The following DAZL variants were observed in gnomAD, a reference collection of about 807,000 sequenced individuals.
The protein encoded by DAZL is deleted in azoospermia like.
A neutral mutation model predicts 45.0 loss-of-function variants in DAZL; 4 were observed. That is an observed-to-expected ratio of 0.09 (90% CI 0.04 to 0.20). The LOEUF (loss-of-function observed/expected upper bound fraction) is 0.20, where lower values mean the gene tolerates loss of function less well. DAZL is among the 10% of genes least tolerant of loss of function. The pLI, the probability that DAZL is intolerant of heterozygous loss-of-function variation, is 1.00. For missense variants in DAZL, 326 were observed against 351.3 expected (o/e 0.93, Z 0.58); for synonymous variants, 122 against 112.4 (o/e 1.09, Z -0.54).
At chr3:16,597,191 T>C (rs926708574) in intron 4 of DAZL, 140 bp from the exon 5 acceptor site, 1 of 1,137,598 alleles carries the variant, frequency 8.8e-7, no homozygotes, top group African/African-American at 1.6e-5. Context: ...AAATTTGTCA[T>C]CATGAAGCTA....
chr3:16,588,935 T>TA (rs1016200173), intron 10 of DAZL, among the ~76,000 whole-genome samples: 6 of 150,966 alleles, frequency 4.0e-5, no homozygotes, highest in East Asian at 1.9e-4. Context: ...AGAAATCAAT[T>TA]AAAAAAAAAG....
At chr3:16,596,640 G>C (rs1163257174) in intron 6 of DAZL, 110 bp downstream of exon 6, 1 of 1,192,502 alleles carries the variant, frequency 8.4e-7, no homozygotes, top group Non-Finnish European at 1.2e-6. Flanking sequence ...ATCACTCAAA[G>C]TATTCAAACA....
intron 1 of DAZL, among the ~76,000 whole-genome samples, chr3:16,600,579 T>C (rs1227515885): frequency 6.6e-6 from 1 of 152,234 alleles, no homozygotes; most frequent in Non-Finnish European, 1.5e-5. Context: ...ATTAGGAACC[T>C]GATTAGATTT....
At chr3:16,601,351 C>T (rs574254951) in intron 1 of DAZL, among the ~76,000 whole-genome samples, 2 of 152,248 alleles carry the variant, frequency 1.3e-5, no homozygotes, top group South Asian at 4.1e-4. Context: ...TAACTGGAAT[C>T]GTAAATATAA....
At position 16,592,147 on chromosome 3, in the gene DAZL, T is replaced by C; in HGVS notation, c.737A>G (p.Lys246Arg). The change falls in exon 10 of 11, where the codon AAA becomes AGA. Residue 246 changes from lysine to arginine, a missense_variant and splice_region_variant. This residue lies in a region of DAZL where 227 missense variants were observed against 216.6 expected (regional missense o/e 1.05). Transcript: ENST00000399444. ...TPPSGNGPQK[K>R]SVDRSIQTVV... ...CGTTTGTATGCTTCGGTCCACAGATTTCTGAAACACAGAAGTTTTCAGTAA... is the reference window on the plus strand; with the variant it reads ...CGTTTGTATGCTTCGGTCCACAGATCTCTGAAACACAGAAGTTTTCAGTAA... 1 of 1,612,908 alleles carries C rather than the reference T, an allele frequency of 6.2e-7. No homozygotes were observed. The highest frequency in any genetic ancestry group is 8.5e-7 in the Non-Finnish European group (1 of 1,179,664).
intron 3 of DAZL, 76 bp from the exon 4 acceptor site, chr3:16,597,617 G>A (rs369171725): frequency 1.3e-5 from 12 of 904,304 alleles, no homozygotes; most frequent in African/African-American, 9.8e-5. Flanking sequence ...ATATACGGAA[G>A]TGATCATGAC....
chr3:16,604,495 G>A, intron 1 of DAZL: 1 of 1,520,004 alleles, frequency 6.6e-7, no homozygotes, highest in Non-Finnish European at 8.8e-7. Flanking sequence ...ACACGAGGGA[G>A]CCGCCATCAG....
intron 10 of DAZL, 44 bp downstream of exon 10, chr3:16,592,006 T>G (rs1003881271): frequency 6.3e-7 from 1 of 1,578,764 alleles, no homozygotes. Flanking sequence ...ACTTTAAAGC[T>G]AACAAGTGTG....
At chr3:16,601,962 T>C (rs967750025) in intron 1 of DAZL, among the ~76,000 whole-genome samples, 8 of 152,192 alleles carry the variant, frequency 5.3e-5, no homozygotes, top group African/African-American at 1.4e-4. Flanking sequence ...CTGAGATTTA[T>C]ATAAACTGAC....
At chr3:16,599,412 T>A (rs1470457744) in intron 1 of DAZL, among the ~76,000 whole-genome samples, 1 of 152,212 alleles carries the variant, frequency 6.6e-6, no homozygotes, top group East Asian at 1.9e-4. Context: ...CATGAATTTT[T>A]ACAATTTTAA....
At chr3:16,595,208 A>AC in intron 7 of DAZL, 106 bp downstream of exon 7, 1 of 623,960 alleles carries the variant, frequency 1.6e-6, no homozygotes, top group Non-Finnish European at 2.7e-6. Flanking sequence ...AATTTTAGGT[A>AC]CATTTCACTA....
chr3:16,604,250 C>T (rs879546452), intron 1 of DAZL, among the ~76,000 whole-genome samples: 5 of 152,110 alleles, frequency 3.3e-5, no homozygotes, highest in Non-Finnish European at 7.3e-5. Flanking sequence ...GGTTGGTCTG[C>T]GTGTTCAGAG....
chr3:16,599,184 TAAAAA>T (rs111790325), intron 1 of DAZL, among the ~76,000 whole-genome samples: 1 of 146,408 alleles, frequency 6.8e-6, no homozygotes, highest in African/African-American at 2.5e-5. Context: ...GTGAATTACT[TAAAAA>T]AAAAACAAAC....
chr3:16,603,405 G>C (rs756739387), intron 1 of DAZL, among the ~76,000 whole-genome samples: 2 of 151,534 alleles, frequency 1.3e-5, no homozygotes, highest in Admixed American at 6.6e-5. Context: ...CTGGAGTGCA[G>C]TGGCATGATC....
chr3:16,593,615 A>C, intron 9 of DAZL, 40 bp downstream of exon 9: 1 of 1,260,830 alleles, frequency 7.9e-7, no homozygotes, highest in Non-Finnish European at 1.1e-6. Flanking sequence ...AACTAGAAAA[A>C]ATAAATATGA....
intron 10 of DAZL, 23 bp downstream of exon 10, chr3:16,592,027 G>C (rs528840693): frequency 6.2e-7 from 1 of 1,603,584 alleles, no homozygotes; most frequent in South Asian, 1.1e-5. Flanking sequence ...CTTTTTAATT[G>C]TGCGTAACTG....
Position 16,605,275 on chromosome 3 carries a change from G to A in DAZL, c.-70C>T, listed in dbSNP as rs1047556582. 1.6e-4 allele frequency: 262 copies of A among 1,601,462 alleles called. No individual in the cohort carries two copies. Among genetic ancestry groups the A allele is most frequent in the Non-Finnish European group, 2.2e-4 (254 of 1,168,628 alleles). ...AGGCTGTGCTTGGCGCACCACTTCT[G>A]GGGCTGCTGTGAGGTCCGCTGGAAC... On this transcript the variant is annotated 5_prime_UTR_variant, in exon 1 of 11. Transcript: ENST00000399444.
intron 9 of DAZL, 57 bp from the exon 10 acceptor site, chr3:16,592,205 A>T (rs1343374356): frequency 6.3e-7 from 1 of 1,595,020 alleles, no homozygotes; most frequent in African/African-American, 1.4e-5. Context: ...ACTCTTAGTA[A>T]GGGTTTTTTT....
intron 8 of DAZL, 79 bp from the exon 9 acceptor site, chr3:16,593,847 G>A: frequency 5.6e-6 from 5 of 890,450 alleles, no homozygotes; most frequent in Non-Finnish European, 8.7e-6. Flanking sequence ...AAAAAGCTAA[G>A]CTGGTATCAA....
Sources: gnomAD v4.1 joint callset for allele counts (sites outside exome capture counted in the v4.1 genomes callset) on GRCh38, gnomAD v4.1.1 for gene constraint, gnomAD v4.1.1 regional missense constraint, MANE v1.5 for transcripts, NCBI Gene and HGNC (gene_info 2026-07-23, HGNC 2026-07-21) for gene names.